The following RRP1 variants were observed in gnomAD, a reference collection of about 807,000 sequenced individuals.
RRP1 encodes ribosomal RNA processing protein 1 homolog A.
RRP1 carries 37 observed loss-of-function variants against 54.6 expected under a neutral mutation model. The observed-to-expected ratio is 0.68, with a 90% confidence interval of 0.52 to 0.89. The LOEUF (loss-of-function observed/expected upper bound fraction) is 0.89, where lower values mean the gene tolerates loss of function less well. Ranked by LOEUF, RRP1 falls within the 40% of genes least tolerant of loss-of-function variation. The probability of loss-of-function intolerance (pLI) is 0.00; values close to 1 mark genes in which losing one functional copy is unlikely to be tolerated. For synonymous variants in RRP1, 262 were observed against 244.3 expected (o/e 1.07, Z -0.67); for missense variants, 639 against 612.5 (o/e 1.04, Z -0.46).
intron 4 of RRP1, among the ~76,000 whole-genome samples, chr21:43,794,926 G>A (rs201917938): frequency 6.6e-6 from 1 of 152,112 alleles, no homozygotes; most frequent in African/African-American, 2.4e-5. Context: ...TATTACCCCC[G>A]ACCCCCCATG....
intron 3 of RRP1, 62 bp downstream of exon 3, chr21:43,792,791 C>G (rs2084974043): frequency 6.5e-7 from 1 of 1,535,782 alleles, no homozygotes; most frequent in Non-Finnish European, 9.0e-7. Context: ...AGCATCAGAG[C>G]CACCAGACCC....
intron 2 of RRP1, among the ~76,000 whole-genome samples, chr21:43,791,873 C>T (rs981741092): frequency 6.5e-4 from 99 of 152,120 alleles, no homozygotes; most frequent in Admixed American, 3.3e-4. Context: ...TGGTTCGGCA[C>T]GGCTGGTGGG....
rs191545163 is a variant in RRP1 at position 43,801,897 on chromosome 21, G to A, written c.1010-377G>A. Among the ~76,000 whole-genome samples, 39 of 152,246 alleles carry A rather than the reference G, an allele frequency of 2.6e-4. No homozygotes were observed. In the East Asian group the frequency reaches 7.3e-3, roughly 29 times the overall value. On this transcript the variant is annotated intron_variant, in intron 11 of 12. Transcript: ENST00000497547. ...CTGAGTGCTGACAGGAAGCTCCAGG[G>A]AAATGCTCGTCGCAGTGTTTTCTGT...
chr21:43,797,238 C>T (rs1264832375), intron 5 of RRP1, 184 bp from the exon 6 acceptor site: 11 of 945,540 alleles, frequency 1.2e-5, no homozygotes, highest in East Asian at 5.6e-5. Flanking sequence ...GACTGCCTTG[C>T]GCTGGAGGAG....
chr21:43,797,766 G>C, intron 7 of RRP1, 71 bp downstream of exon 7: 1 of 1,588,968 alleles, frequency 6.3e-7, no homozygotes, highest in Admixed American at 1.7e-5. Context: ...TGTTGTGGGG[G>C]TGCTGCTCCC....
At chr21:43,794,134 C>T (rs1348760839) in intron 4 of RRP1, among the ~76,000 whole-genome samples, 1 of 152,154 alleles carries the variant, frequency 6.6e-6, no homozygotes, top group African/African-American at 2.4e-5. Flanking sequence ...CTTCAGTGTC[C>T]AGCTCAGATT....
At chr21:43,791,837 T>C (rs1239204597) in intron 2 of RRP1, among the ~76,000 whole-genome samples, 1 of 152,016 alleles carries the variant, frequency 6.6e-6, no homozygotes, top group Non-Finnish European at 1.5e-5. Flanking sequence ...CCAGAGACCG[T>C]GGGGAGGTCG....
intron 5 of RRP1, 41 bp downstream of exon 5, chr21:43,795,291 C>A: frequency 6.3e-7 from 1 of 1,592,200 alleles, no homozygotes; most frequent in South Asian, 1.1e-5. Context: ...ACGCTGTTCT[C>A]GGGGACCGCA....
intron 2 of RRP1, among the ~76,000 whole-genome samples, chr21:43,792,064 TCTC>T (rs1360484113): frequency 6.6e-6 from 1 of 152,162 alleles, no homozygotes; most frequent in African/African-American, 2.4e-5. Context: ...GACAAGGACG[TCTC>T]CTGCTAGCCT....
In RRP1 at chr21:43,800,601, A is replaced by G. The variant is rs776765535; in HGVS notation, c.976A>G (p.Lys326Glu). 1.9e-6 allele frequency: 3 copies of G among 1,614,216 alleles called. No individual in the cohort carries two copies. Residue 326 changes from lysine to glutamate, a missense_variant, in exon 10 of 13, where the codon AAA (lysine) becomes GAA (glutamate). Physicochemically the swap from Lys to Glu is moderately conservative, Grantham distance 56. Transcript: ENST00000497547. ...TPSQNRKRLY[K>E]VIRKLQDLAG... Reference sequence around the variant, plus strand: ...TTCTCAGAACAGAAAGCGTCTCTACAAAGTGATCCGGAAGTGAGTGTGTGA... The same window carrying G: ...TTCTCAGAACAGAAAGCGTCTCTACGAAGTGATCCGGAAGTGAGTGTGTGA...
At chr21:43,795,397 A>G (rs766571950) in intron 5 of RRP1, 147 bp downstream of exon 5, 10 of 758,116 alleles carry the variant, frequency 1.3e-5, no homozygotes, top group Non-Finnish European at 2.0e-5. Context: ...TAGTTTTTAA[A>G]GTAAAAATCA....
chr21:43,798,013 G>C lies in RRP1; in HGVS notation c.724G>C (p.Glu242Gln), dbSNP rs1230938888. The change falls in exon 8 of 13, where the codon GAG (glutamate) becomes CAG (glutamine). Residue 242 changes from glutamate (E) to glutamine (Q), a missense_variant. Glu to Gln is a conservative substitution (Grantham distance 29, BLOSUM62 2). Transcript: ENST00000497547. ...GAATGAACTGGACACACAGGATGAG[G>C]AGGTGGCGTCGGACAGTGATGAGTC... ...LLNELDTQDE[E>Q]VASDSDESSE... 1 of 1,614,218 alleles carries C rather than the reference G, an allele frequency of 6.2e-7. No individual in the cohort carries two copies. The highest frequency in any genetic ancestry group is 2.2e-5 in the East Asian group (1 of 44,886).
Position 43,797,476 on chromosome 21 carries a change from C to G in RRP1, c.477C>G (p.Ser159Arg), listed in dbSNP as rs745338361. The change falls in exon 6 of 13, where the codon AGC becomes AGG. Residue 159 changes from serine (S) to arginine (R), a missense_variant. Physicochemically the swap from Ser to Arg is moderately radical, Grantham distance 110. Coordinates refer to ENST00000497547, the MANE Select transcript of RRP1 (RefSeq NM_003683.6). ...LLMTEILHPS[S>R]QAPNGVKSHF... ...TGACTGAGATCCTGCACCCCAGCAG[C>G]CAGGCCCCCAACGGTGTGAAGAGCC... 9 of 1,613,824 alleles carry G rather than the reference C, an allele frequency of 5.6e-6. No homozygotes were observed.
At chr21:43,793,019 C>T in intron 3 of RRP1, 2 of 556,498 alleles carry the variant, frequency 3.6e-6, no homozygotes, top group Non-Finnish European at 6.3e-6. Flanking sequence ...AGAGATTGGA[C>T]TGAATTCCGC....
exon 13 of RRP1, chr21:43,805,291 A>AAAGAC (rs1304267390): frequency 6.6e-6 from 1 of 151,742 alleles, no homozygotes; most frequent in Admixed American, 6.6e-5. Flanking sequence ...AAAAAAAAAA[A>AAAGAC]AAGACAAGCG....
chr21:43,801,693 G>A (rs1168300563), intron 11 of RRP1, among the ~76,000 whole-genome samples: 1 of 152,144 alleles, frequency 6.6e-6, no homozygotes, highest in Admixed American at 6.5e-5. Flanking sequence ...CTGGTCGTCT[G>A]GGGTTTTCGG....
At chr21:43,789,956 C>T (rs568717316) in intron 1 of RRP1, among the ~76,000 whole-genome samples, 194 bp downstream of exon 1, 2 of 129,554 alleles carry the variant, frequency 1.5e-5, no homozygotes, top group Admixed American at 1.5e-4. Context: ...CCTCGTGGTG[C>T]GGTGACTCTG....
intron 5 of RRP1, among the ~76,000 whole-genome samples, chr21:43,796,427 C>A (rs997275850): frequency 1.3e-5 from 2 of 152,194 alleles, no homozygotes; most frequent in Non-Finnish European, 2.9e-5. Flanking sequence ...ACTTTTCTCC[C>A]TGTAACTGAG....
rs1007807395 is a variant in RRP1, at chr21:43,804,805, C to T, written c.*1031C>T. ...AGACCCTGGACTGCATCCGGTTCCC[C>T]AAAGCCCTGCTGCATTCGAGTGTCC... On this transcript the variant is annotated 3_prime_UTR_variant, in exon 13 of 13. Transcript: ENST00000497547. This position sits in a 1 kb window ranked among gnomAD's most constrained non-coding sequence, Gnocchi z 4.3. 6.6e-6 allele frequency: 1 copy of T among 152,376 alleles called. No individual in the cohort carries two copies. Among genetic ancestry groups the T allele is most frequent in the Non-Finnish European group, 1.5e-5 (1 of 68,188 alleles). The allele number at this position is 152,376 out of a possible 1,614,324, so 9.4% of individuals were successfully genotyped here.
Sources: allele counts gnomAD v4.1 joint callset (sites outside exome capture counted in the v4.1 genomes callset), GRCh38; gene constraint gnomAD v4.1.1; non-coding constraint Gnocchi (gnomAD v3.1); transcripts MANE v1.5; gene names NCBI Gene and HGNC (gene_info 2026-07-23, HGNC 2026-07-21).